KIAA1217: variants seen among roughly 807,000 people sequenced by gnomAD.
KIAA1217 encodes the protein KIAA1217.
Under a neutral mutation model 163.9 loss-of-function variants are expected in KIAA1217, and 88 were observed. The observed-to-expected ratio is 0.54, with a 90% confidence interval of 0.45 to 0.64. The LOEUF (loss-of-function observed/expected upper bound fraction) is 0.64, where lower values mean the gene tolerates loss of function less well. Among genes scored for constraint, KIAA1217 ranks in the 30% least tolerant of loss-of-function variants. KIAA1217 has a pLI of 0.00. For missense variants in KIAA1217, 2,372 were observed against 2,475.0 expected (o/e 0.96, Z 0.88); for synonymous variants, 903 against 923.1 (o/e 0.98, Z 0.39).
chr10:23,852,957 A>C (rs1258207493), intron 1 of KIAA1217, among the ~76,000 whole-genome samples: 1 of 152,230 alleles, frequency 6.6e-6, no homozygotes, highest in Admixed American at 6.5e-5. Context: ...TGTCACCTGC[A>C]AACAGGGTCA....
At chr10:24,352,166 G>A (rs540404316) in intron 2 of KIAA1217, among the ~76,000 whole-genome samples, 4 of 152,276 alleles carry the variant, frequency 2.6e-5, no homozygotes, top group Non-Finnish European at 4.4e-5. Flanking sequence ...TGGAAAAGAG[G>A]TCAGCAAATG....
At chr10:24,429,100 G>A (rs990128455) in intron 3 of KIAA1217, among the ~76,000 whole-genome samples, 1 of 152,150 alleles carries the variant, frequency 6.6e-6, no homozygotes, top group Non-Finnish European at 1.5e-5. Flanking sequence ...TGATGGTTTG[G>A]ATAGGTATAG....
At chr10:24,368,471 A>G (rs1156598936) in intron 2 of KIAA1217, among the ~76,000 whole-genome samples, 1 of 151,394 alleles carries the variant, frequency 6.6e-6, no homozygotes, top group African/African-American at 2.4e-5. Flanking sequence ...TTTTTTTTCC[A>G]TATCAGCAAA....
intron 1 of KIAA1217, among the ~76,000 whole-genome samples, chr10:23,884,086 G>T (rs1420525513): frequency 6.6e-6 from 1 of 151,834 alleles, no homozygotes; most frequent in Non-Finnish European, 1.5e-5. Flanking sequence ...ACAGATTTTT[G>T]TGTGGCCATT....
chr10:24,170,256 G>C (rs1317624372), intron 2 of KIAA1217, among the ~76,000 whole-genome samples: 1 of 152,208 alleles, frequency 6.6e-6, no homozygotes, highest in Non-Finnish European at 1.5e-5. Context: ...TGGGGCTTCA[G>C]AACAAGGAAA....
At chr10:23,879,354 G>A (rs1840847142) in intron 1 of KIAA1217, among the ~76,000 whole-genome samples, 1 of 151,886 alleles carries the variant, frequency 6.6e-6, no homozygotes, top group Non-Finnish European at 1.5e-5. Flanking sequence ...CAGAGTACAA[G>A]GCATCCTAGC....
intron 3 of KIAA1217, 55 bp from the exon 4 acceptor site, chr10:24,432,940 C>A: frequency 7.0e-7 from 1 of 1,428,344 alleles, no homozygotes; most frequent in Non-Finnish European, 9.8e-7. Context: ...TCAGCTTGTG[C>A]TGTGTGTCCC....
chr10:24,286,467 CACACAT>C (rs936724768), intron 2 of KIAA1217, among the ~76,000 whole-genome samples: 2 of 151,882 alleles, frequency 1.3e-5, no homozygotes, highest in African/African-American at 2.4e-5. Context: ...CACACACACA[CACACAT>C]ACACATACAC....
chr10:23,707,355 G>C (rs1006803334), intron 1 of KIAA1217, among the ~76,000 whole-genome samples: 4 of 152,140 alleles, frequency 2.6e-5, no homozygotes, highest in Non-Finnish European at 5.9e-5. Context: ...GAAGGAGAAA[G>C]TAAAAAGAAC....
chr10:24,316,936 C>T (rs1470429578), intron 2 of KIAA1217, among the ~76,000 whole-genome samples: 1 of 152,244 alleles, frequency 6.6e-6, no homozygotes, highest in East Asian at 1.9e-4. Flanking sequence ...CTGAGAGACG[C>T]TCAGTGTGTG....
chr10:24,521,071 C>G (rs1286947717), intron 11 of KIAA1217, among the ~76,000 whole-genome samples: 1 of 130,538 alleles, frequency 7.7e-6, no homozygotes, highest in East Asian at 2.2e-4. Context: ...TCTGGCCAGG[C>G]GTAGTGGCTC....
intron 2 of KIAA1217, among the ~76,000 whole-genome samples, chr10:24,234,656 CAAA>C (rs71397938): frequency 1.4e-4 from 10 of 73,384 alleles, no homozygotes; most frequent in African/African-American, 5.1e-4. Flanking sequence ...AAAACTGTCT[CAAA>C]AAAAAAAAAA....
intron 2 of KIAA1217, among the ~76,000 whole-genome samples, chr10:24,128,112 G>A (rs893765846): frequency 5.9e-5 from 9 of 152,094 alleles, no homozygotes; most frequent in South Asian, 2.1e-4. Context: ...GGATTGAGGC[G>A]GAGTCTGTTG....
chr10:24,294,234 G>A (rs190170237), intron 2 of KIAA1217, among the ~76,000 whole-genome samples: 2 of 150,664 alleles, frequency 1.3e-5, no homozygotes, highest in Non-Finnish European at 2.9e-5. Flanking sequence ...CTTTCCACGT[G>A]GAGTGGACTG....
chr10:24,029,263 A>G (rs1462262435), intron 2 of KIAA1217, among the ~76,000 whole-genome samples: 2 of 152,182 alleles, frequency 1.3e-5, no homozygotes, highest in African/African-American at 2.4e-5. Flanking sequence ...GAGGAGGAAC[A>G]TCAAACCTTT....
chr10:24,292,080 T>C (rs1240111523), intron 2 of KIAA1217, among the ~76,000 whole-genome samples: 1 of 152,232 alleles, frequency 6.6e-6, no homozygotes, highest in Non-Finnish European at 1.5e-5. Context: ...ATGAGTTTTC[T>C]GGCTTTTCTA....
At chr10:24,057,536 G>A (rs962733581) in intron 2 of KIAA1217, among the ~76,000 whole-genome samples, 4 of 152,052 alleles carry the variant, frequency 2.6e-5, no homozygotes, top group African/African-American at 9.7e-5. Flanking sequence ...TCTTCCTTCT[G>A]TGACTACCTT....
chr10:23,760,812 C>G (rs1834225400), intron 1 of KIAA1217, among the ~76,000 whole-genome samples: 1 of 151,954 alleles, frequency 6.6e-6, no homozygotes, highest in Non-Finnish European at 1.5e-5. Flanking sequence ...GAACAAGTAT[C>G]AGCATACGTT....
At chr10:23,773,715 C>G (rs928528401) in intron 1 of KIAA1217, among the ~76,000 whole-genome samples, 9 of 152,152 alleles carry the variant, frequency 5.9e-5, no homozygotes, top group Admixed American at 2.0e-4. Flanking sequence ...ATTTCATTCT[C>G]TTTGAAGCAA....
Sources: allele counts gnomAD v4.1 joint callset (sites outside exome capture counted in the v4.1 genomes callset), GRCh38; gene constraint gnomAD v4.1.1; transcripts MANE v1.5; gene names NCBI Gene and HGNC (gene_info 2026-07-23, HGNC 2026-07-21).